Variants in MORF4L1 observed in about 807,000 individuals in gnomAD.
MORF4L1 encodes mortality factor 4-like protein 1.
A neutral mutation model predicts 52.9 loss-of-function variants in MORF4L1; 4 were observed. The observed-to-expected ratio is 0.08, with a 90% CI of 0.04 to 0.17. The LOEUF (loss-of-function observed/expected upper bound fraction) is 0.17, where lower values mean the gene tolerates loss of function less well. MORF4L1 is among the 10% of genes least tolerant of loss of function. The probability of loss-of-function intolerance (pLI) is 1.00; values close to 1 mark genes in which losing one functional copy is unlikely to be tolerated. For missense variants in MORF4L1, 214 were observed against 390.4 expected (o/e 0.55, Z 3.81); for synonymous variants, 123 against 134.8 (o/e 0.91, Z 0.61).
chr15:78,881,497 T>TTG (rs3971696), intron 3 of MORF4L1, among the ~76,000 whole-genome samples: 4 of 151,246 alleles, frequency 2.6e-5, no homozygotes, highest in Non-Finnish European at 5.9e-5. Flanking sequence ...CCCGGCCTTT[T>TTG]TGTGTGTGTG....
At chr15:78,881,215 T>TG (rs1211501148) in intron 3 of MORF4L1, among the ~76,000 whole-genome samples, 2 of 114,212 alleles carry the variant, frequency 1.8e-5, no homozygotes, top group African/African-American at 7.0e-5. Context: ...TTTTGAGAGA[T>TG]GGAGTTTTGC....
chr15:78,884,873 TA>T, intron 3 of MORF4L1: 1 of 789,166 alleles, frequency 1.3e-6, no homozygotes, highest in South Asian at 2.4e-5. Flanking sequence ...GACACACACT[TA>T]AATACTCCAT....
At chr15:78,888,536 CA>C (rs769414776) in intron 5 of MORF4L1, among the ~76,000 whole-genome samples, 12 of 151,774 alleles carry the variant, frequency 7.9e-5, no homozygotes, top group Non-Finnish European at 1.6e-4. Context: ...ATAATAAAAA[CA>C]AAAATTATAA....
At position 78,893,476 on chromosome 15, in the gene MORF4L1, C is replaced by G. The variant is rs757883226; in HGVS notation, c.541-63C>G. On this transcript the variant is annotated intron_variant, in intron 8 of 11. Coordinates refer to ENST00000426013, the MANE Select transcript of MORF4L1 (RefSeq NM_006791.4). The stretch of plus-strand genomic sequence containing the variant: ...TACCTGATCTTTGTATAAAAACTTG[C>G]CTGGTATGATTTTTCTTTAAAAAAG... 4.6e-6 allele frequency: 5 copies of G among 1,095,620 alleles called. No homozygotes were observed. In the Admixed American group the frequency reaches 7.0e-5, roughly 15 times the overall value. The allele number at this position is 1,095,620 out of a possible 1,614,324, so 67.9% of individuals were successfully genotyped here.
chr15:78,891,396 T>C, intron 6 of MORF4L1, 88 bp from the exon 7 acceptor site: 1 of 978,264 alleles, frequency 1.0e-6, no homozygotes, highest in Non-Finnish European at 1.6e-6. Flanking sequence ...GGAGAAATAA[T>C]GAAAAGGGTT....
At position 78,888,912 on chromosome 15, in the gene MORF4L1, CTGTAG is replaced by C. The variant is rs368803392; in HGVS notation, c.323+1570_323+1574del. ...TTTCATGATCTGGTTCTTTGGAAAA[CTGTAG>C]TGTAGTATTTCATTAGGATTTAATA... On this transcript the variant is annotated intron_variant, in intron 5 of 11. Transcript: ENST00000426013. 3.4e-3 allele frequency among the ~76,000 whole-genome samples: 511 copies of C among 152,182 alleles called. 1 individual carries two copies. Among genetic ancestry groups the C allele is most frequent in the South Asian group, 0.016 (79 of 4,818 alleles).
chr15:78,890,658 T>C (rs1479782276), intron 5 of MORF4L1: 3 of 161,664 alleles, frequency 1.9e-5, no homozygotes, highest in African/African-American at 7.2e-5. Flanking sequence ...ATTTTTGTAT[T>C]TTTTATAGAG....
intron 4 of MORF4L1, among the ~76,000 whole-genome samples, chr15:78,887,015 G>A (rs897105962): frequency 6.6e-6 from 1 of 151,608 alleles, no homozygotes; most frequent in Non-Finnish European, 1.5e-5. Flanking sequence ...TGGGATTAGT[G>A]AATTCCAAAA....
chr15:78,891,314 G>T (rs1281996840), intron 6 of MORF4L1, 170 bp from the exon 7 acceptor site: 1 of 655,904 alleles, frequency 1.5e-6, no homozygotes. Context: ...GTTCGGTAGA[G>T]CTCTTCATGA....
chr15:78,878,504 G>A (rs1354692574), intron 2 of MORF4L1, among the ~76,000 whole-genome samples: 2 of 152,210 alleles, frequency 1.3e-5, no homozygotes, highest in Non-Finnish European at 2.9e-5. Context: ...TGAGGGGAAT[G>A]TTAGAAGGGG....
In MORF4L1 at chr15:78,872,893, T is replaced by A; in HGVS notation, c.-125T>A. ...TGTGAGGTCTGCGGGCGCTGGCAAA[T>A]CCGGCCCAGGATGTAGAGCTGGCAG... On this transcript the variant is annotated 5_prime_UTR_variant, in exon 1 of 12. Coordinates refer to ENST00000426013, the MANE Select transcript of MORF4L1 (RefSeq NM_006791.4). The A allele has an allele frequency of 6.9e-7, 1 of 1,443,522 alleles. No homozygotes were observed. Among genetic ancestry groups the A allele is most frequent in the East Asian group, 2.8e-5 (1 of 35,936 alleles). 89.4% of individuals were successfully genotyped at this position (1,443,522 alleles called of 1,614,324 possible).
intron 1 of MORF4L1, among the ~76,000 whole-genome samples, chr15:78,873,572 C>T (rs1469734506): frequency 6.6e-6 from 1 of 151,950 alleles, no homozygotes; most frequent in Non-Finnish European, 1.5e-5. Flanking sequence ...CGCCACGGGG[C>T]GGGAGAAGTG....
intron 3 of MORF4L1, among the ~76,000 whole-genome samples, chr15:78,883,211 GAA>G (rs5813942): frequency 0.076 from 10,417 of 136,250 alleles, 1,021 homozygotes; most frequent in East Asian, 0.39. Flanking sequence ...TGAGACTCAG[GAA>G]AAAAAAAAAA....
intron 5 of MORF4L1, among the ~76,000 whole-genome samples, chr15:78,889,882 C>A (rs1019538935): frequency 6.6e-6 from 1 of 152,108 alleles, no homozygotes; most frequent in African/African-American, 2.4e-5. Context: ...AATCCATAAT[C>A]ATGGGCTCTA....
At chr15:78,879,168 C>A (rs1480576403) in intron 2 of MORF4L1, among the ~76,000 whole-genome samples, 1 of 152,114 alleles carries the variant, frequency 6.6e-6, no homozygotes, top group African/African-American at 2.4e-5. Flanking sequence ...CCCAGGAGTT[C>A]AAGGCCAGTT....
chr15:78,878,159 A>C, intron 1 of MORF4L1, 54 bp from the exon 2 acceptor site: 3 of 1,545,542 alleles, frequency 1.9e-6, no homozygotes, highest in South Asian at 2.4e-5. Flanking sequence ...TAAGATGTTA[A>C]TCTTTTTATA....
chr15:78,876,058 C>T (rs1041883066), intron 1 of MORF4L1, among the ~76,000 whole-genome samples: 1 of 151,784 alleles, frequency 6.6e-6, no homozygotes, highest in African/African-American at 2.4e-5. Flanking sequence ...CTGCCTCAGC[C>T]TCCTGAGTAG....
intron 8 of MORF4L1, 150 bp from the exon 9 acceptor site, chr15:78,893,389 C>T (rs2056833037): frequency 7.0e-6 from 4 of 572,142 alleles, no homozygotes; most frequent in South Asian, 6.4e-5. Flanking sequence ...AGTTTCTCAG[C>T]CACATTATCC....
intron 1 of MORF4L1, chr15:78,876,534 T>A (rs1567298595): frequency 6.6e-6 from 3 of 455,960 alleles, no homozygotes; most frequent in Non-Finnish European, 8.8e-6. Context: ...TCACAGGGCC[T>A]CGGTTTCAGT....
Sources: gnomAD v4.1 joint callset for allele counts (sites outside exome capture counted in the v4.1 genomes callset) on GRCh38, gnomAD v4.1.1 for gene constraint, MANE v1.5 for transcripts, NCBI Gene and HGNC (gene_info 2026-07-23, HGNC 2026-07-21) for gene names.